HMCN1: variants seen among roughly 807,000 people sequenced by gnomAD.
HMCN1 encodes hemicentin 1.
Under a neutral mutation model 625.9 loss-of-function variants are expected in HMCN1, and 321 were observed. The observed-to-expected ratio is 0.51, with a 90% confidence interval of 0.47 to 0.56. The LOEUF is 0.56. HMCN1 is among the 20% of genes least tolerant of loss of function. The pLI, the probability that HMCN1 is intolerant of heterozygous loss-of-function variation, is 0.00. For missense variants in HMCN1, 6,588 were observed against 6,887.3 expected (o/e 0.96, Z 1.54); for synonymous variants, 2,425 against 2,417.6 (o/e 1.00, Z -0.09).
intron 42 of HMCN1, 111 bp downstream of exon 42, chr1:186,048,950 C>T (rs1656765562): frequency 7.1e-6 from 5 of 708,750 alleles, no homozygotes; most frequent in South Asian, 4.4e-5. Flanking sequence ...AGATGAACAA[C>T]AATTAGTACA....
chr1:185,739,392 T>C (rs1653821087), intron 1 of HMCN1, among the ~76,000 whole-genome samples: 1 of 152,170 alleles, frequency 6.6e-6, no homozygotes, highest in Admixed American at 6.5e-5. Flanking sequence ...ATTCCTCCCT[T>C]CCTTGAAATA....
At chr1:185,981,789 C>T (rs1026151115) in intron 17 of HMCN1, among the ~76,000 whole-genome samples, 1 of 152,076 alleles carries the variant, frequency 6.6e-6, no homozygotes, top group Non-Finnish European at 1.5e-5. Flanking sequence ...TACTCCTTTA[C>T]CATTCCATCT....
At chr1:186,065,139 G>A in intron 48 of HMCN1, 99 bp from the exon 49 acceptor site, 2 of 854,068 alleles carry the variant, frequency 2.3e-6, no homozygotes, top group Non-Finnish European at 3.8e-6. Context: ...TTAGACATGG[G>A]ATATGTAGGA....
intron 26 of HMCN1, 32 bp from the exon 27 acceptor site, chr1:186,001,266 A>G: frequency 6.3e-7 from 1 of 1,585,910 alleles, no homozygotes; most frequent in Non-Finnish European, 8.6e-7. Flanking sequence ...TTATTATGAA[A>G]CTAGCTAGCT....
intron 2 of HMCN1, among the ~76,000 whole-genome samples, chr1:185,846,960 A>G (rs1251556883): frequency 6.6e-6 from 1 of 152,060 alleles, no homozygotes; most frequent in Non-Finnish European, 1.5e-5. Flanking sequence ...TTCCTCTCTT[A>G]GATAATTCAG....
At chr1:185,965,500 C>T (rs1011773222) in intron 13 of HMCN1, among the ~76,000 whole-genome samples, 1 of 151,918 alleles carries the variant, frequency 6.6e-6, no homozygotes, top group Non-Finnish European at 1.5e-5. Context: ...ATGTTTCTTT[C>T]CTTGTATAAC....
intron 25 of HMCN1, 120 bp downstream of exon 25, chr1:185,997,644 C>A: frequency 1.3e-6 from 1 of 751,102 alleles, no homozygotes. Context: ...AACATTTGAG[C>A]ATAATAGAAA....
At chr1:186,135,053 T>A (rs1277357590) in intron 86 of HMCN1, among the ~76,000 whole-genome samples, 6 of 152,212 alleles carry the variant, frequency 3.9e-5, no homozygotes, top group Non-Finnish European at 8.8e-5. Context: ...TTCTCCCCTC[T>A]CCTCTCTGTT....
At chr1:186,108,976 AC>A (rs890703704) in intron 71 of HMCN1, among the ~76,000 whole-genome samples, 6 of 152,204 alleles carry the variant, frequency 3.9e-5, no homozygotes, top group Non-Finnish European at 7.3e-5. Context: ...TGCTTCTTTT[AC>A]TGAATTTCCC....
At chr1:186,036,444 C>A (rs1348760773) in intron 36 of HMCN1, among the ~76,000 whole-genome samples, 1 of 152,020 alleles carries the variant, frequency 6.6e-6, no homozygotes, top group South Asian at 2.1e-4. Context: ...ACCATCAGAT[C>A]CCATGAGACT....
At position 185,923,663 on chromosome 1, in the gene HMCN1, C is replaced by A; in HGVS notation, c.1285+10C>A. 6.3e-7 allele frequency: 1 copy of A among 1,589,530 alleles called. No individual in the cohort carries two copies. The highest frequency in any genetic ancestry group is 8.6e-7 in the Non-Finnish European group (1 of 1,167,128). ...TCTAGTATTGTCCCAGGTGAGACAT[C>A]ATTTTATTCAACATTGAAATATTGA... On this transcript the variant is annotated intron_variant, in intron 8 of 106. Coordinates refer to ENST00000271588, the MANE Select transcript of HMCN1 (RefSeq NM_031935.3).
chr1:185,967,202 A>C (rs1223181685), intron 14 of HMCN1, among the ~76,000 whole-genome samples: 2 of 152,168 alleles, frequency 1.3e-5, no homozygotes, highest in Non-Finnish European at 2.9e-5. Flanking sequence ...AAGTAATGGA[A>C]ATGCCAACTT....
In HMCN1 at chr1:186,078,192, T is replaced by A; in HGVS notation, c.8571T>A (p.Asp2857Glu). 6.2e-7 allele frequency: 1 copy of A among 1,612,442 alleles called. No homozygotes were observed. Among genetic ancestry groups the A allele is most frequent in the Non-Finnish European group, 8.5e-7 (1 of 1,178,692 alleles). The change falls in exon 55 of 107, where the codon GAT becomes GAA. Residue 2857 changes from aspartate (D) to glutamate (E), a missense_variant. Physicochemically the swap from Asp to Glu is conservative, Grantham distance 45. Transcript: ENST00000271588. ...TGGCTGTGAATGAGGCTGGAGAAGA[T>A]TCCCTTCAATATGATGTCCGTGTAC... Reference protein sequence around the residue: ...TCVAVNEAGEDSLQYDVRVLV... With the variant: ...TCVAVNEAGEESLQYDVRVLV...
chr1:185,973,463 A>T (rs1650972659), intron 15 of HMCN1, among the ~76,000 whole-genome samples: 1 of 152,044 alleles, frequency 6.6e-6, no homozygotes, highest in Non-Finnish European at 1.5e-5. Context: ...TGAGTTCCAA[A>T]ACTATTGGGC....
chr1:185,802,745 C>T (rs960744914), intron 1 of HMCN1, among the ~76,000 whole-genome samples: 3 of 151,968 alleles, frequency 2.0e-5, no homozygotes, highest in East Asian at 1.9e-4. Flanking sequence ...GGTGATGTGT[C>T]GGGAGAGAAG....
In HMCN1 at chr1:186,151,223, A is replaced by T; in HGVS notation, c.14632A>T (p.Ser4878Cys). The change falls in exon 94 of 107, where the codon AGT becomes TGT. Residue 4878 changes from serine to cysteine, a missense_variant. Transcript: ENST00000271588. ...AGGTGGGCCCCAGCGAGCCAGAGGA[A>T]GTGTTATTGGAAATATTAATGATGT... Reference protein sequence around the residue: ...CPGGPQRARGSVIGNINDVEF... With the variant: ...CPGGPQRARGCVIGNINDVEF... 1 of 1,613,750 alleles carries T rather than the reference A, an allele frequency of 6.2e-7. No individual in the cohort carries two copies. The highest frequency in any genetic ancestry group is 8.5e-7 in the Non-Finnish European group (1 of 1,179,762).
At chr1:185,901,317 C>A (rs1384278415) in intron 4 of HMCN1, among the ~76,000 whole-genome samples, 1 of 151,742 alleles carries the variant, frequency 6.6e-6, no homozygotes, top group Non-Finnish European at 1.5e-5. Flanking sequence ...CTTTCTTCTT[C>A]CCTTCCTTAT....
At chr1:185,749,700 G>T (rs1157394794) in intron 1 of HMCN1, among the ~76,000 whole-genome samples, 1 of 152,144 alleles carries the variant, frequency 6.6e-6, no homozygotes, top group Admixed American at 6.5e-5. Flanking sequence ...TCCCTCTACA[G>T]GTACTCCTCT....
At chr1:186,117,700 C>T (rs1250670453) in intron 77 of HMCN1, 77 bp downstream of exon 77, 12 of 1,378,002 alleles carry the variant, frequency 8.7e-6, no homozygotes, top group Non-Finnish European at 1.2e-5. Context: ...GCCTTTGTTG[C>T]ACCAGAATAA....
Sources: allele counts gnomAD v4.1 joint callset (sites outside exome capture counted in the v4.1 genomes callset), GRCh38; gene constraint gnomAD v4.1.1; transcripts MANE v1.5; gene names NCBI Gene and HGNC (gene_info 2026-07-23, HGNC 2026-07-21).